Variants in TVP23C observed in about 807,000 individuals in gnomAD.
TVP23C encodes the protein Golgi apparatus membrane protein TVP23 homolog C.
Under a neutral mutation model 28.7 loss-of-function variants are expected in TVP23C, and 19 were observed. The ratio of observed to expected loss-of-function variants is 0.66; its 90% CI spans 0.46 to 0.97. TVP23C has a LOEUF of 0.97. Among genes scored for constraint, TVP23C ranks in the 50% least tolerant of loss-of-function variants. The pLI, the probability that TVP23C is intolerant of heterozygous loss-of-function variation, is 0.00. For missense variants in TVP23C, 186 were observed against 241.3 expected (o/e 0.77, Z 1.52); for synonymous variants, 68 against 81.7 (o/e 0.83, Z 0.90).
intron 5 of TVP23C, chr17:15,507,182 C>T (rs763730297): frequency 1.5e-5 from 11 of 744,094 alleles, no homozygotes; most frequent in African/African-American, 6.9e-5. Flanking sequence ...CCGATACAAA[C>T]GGTTCCTAAT....
intron 5 of TVP23C, among the ~76,000 whole-genome samples, chr17:15,530,424 A>G (rs970687613): frequency 7.2e-5 from 11 of 152,242 alleles, no homozygotes; most frequent in Non-Finnish European, 1.0e-4. Context: ...GTATAGCTCT[A>G]TTCCCTTCCT....
In TVP23C at chr17:15,563,420, C is replaced by T. The variant is rs191004702; in HGVS notation, c.12+17G>A. 1.3e-6 allele frequency: 2 copies of T among 1,591,154 alleles called. No homozygotes were observed. Among genetic ancestry groups the T allele is most frequent in the South Asian group, 2.3e-5 (2 of 87,400 alleles). ...CCCAGGAGCCGCCACCCTCCCAGCG[C>T]GCCCTCAGCCCCTCACCTGCTGCAA... On this transcript the variant is annotated intron_variant, in intron 1 of 5. Coordinates refer to ENST00000518321, the MANE Select transcript of TVP23C (RefSeq NM_001135036.2).
At chr17:15,545,034 C>G (rs1218386918) in intron 5 of TVP23C, among the ~76,000 whole-genome samples, 2 of 152,086 alleles carry the variant, frequency 1.3e-5, no homozygotes, top group African/African-American at 4.8e-5. Flanking sequence ...CAAATTGGGT[C>G]AAGTGACAAA....
At chr17:15,557,299 T>G (rs1463242068) in intron 1 of TVP23C, among the ~76,000 whole-genome samples, 1 of 146,616 alleles carries the variant, frequency 6.8e-6, no homozygotes, top group Admixed American at 6.9e-5. Flanking sequence ...GGTTTTTTTT[T>G]TTTTTTTTTG....
At chr17:15,534,596 C>T (rs1171586388), downstream of TVP23C, among the ~76,000 whole-genome samples, 26 of 148,082 alleles carry the variant, frequency 1.8e-4, no homozygotes, top group Admixed American at 1.7e-3. Context: ...CACACACACA[C>T]ACACACACAC....
intron 1 of TVP23C, among the ~76,000 whole-genome samples, chr17:15,559,313 TAAAAAAAAAA>T (rs56346847): frequency 4.8e-5 from 5 of 105,164 alleles, no homozygotes; most frequent in Non-Finnish European, 9.8e-5. Flanking sequence ...GGTACAGATT[TAAAAAAAAAA>T]AAAAAAAAAA....
intron 1 of TVP23C, among the ~76,000 whole-genome samples, chr17:15,560,560 T>A (rs1984334574): frequency 6.7e-6 from 1 of 149,240 alleles, no homozygotes; most frequent in Non-Finnish European, 1.5e-5. Flanking sequence ...TCAAGTTTGT[T>A]TTTTTTGTTT....
chr17:15,549,504 C>A (rs986156556), intron 3 of TVP23C, among the ~76,000 whole-genome samples: 1 of 151,944 alleles, frequency 6.6e-6, no homozygotes, highest in East Asian at 1.9e-4. Context: ...CATAGTGAAA[C>A]CCTGCCTCTA....
chr17:15,530,312 T>G (rs1982901621), intron 5 of TVP23C, among the ~76,000 whole-genome samples: 1 of 152,014 alleles, frequency 6.6e-6, no homozygotes, highest in South Asian at 2.1e-4. Context: ...ATTTTTTGAG[T>G]TTTTTTTCCT....
At position 15,538,206 on chromosome 17, in the gene TVP23C, C is replaced by A. The variant is rs1391346558; in HGVS notation, c.*2206G>T. On this transcript the variant is annotated 3_prime_UTR_variant, in exon 6 of 6. Transcript: ENST00000518321. ...AACATCAAAGTTATTTCACTTCACA[C>A]ACCATGGACTTGGGGCCTAGGCCTA... 2.1e-5 allele frequency: 34 copies of A among 1,613,322 alleles called. No individual in the cohort carries two copies. Among genetic ancestry groups the A allele is most frequent in the Non-Finnish European group, 2.6e-5 (31 of 1,179,742 alleles).
Position 15,539,311 on chromosome 17 carries a change from T to G in TVP23C, c.*1101A>C, listed in dbSNP as rs1164408757. The stretch of plus-strand genomic sequence containing the variant: ...AACCAAATGCAAGGTATTACTCATA[T>G]AAAGACCTAGTCACGGCCAGGCGCC... On this transcript the variant is annotated 3_prime_UTR_variant, in exon 6 of 6. Coordinates refer to ENST00000518321, the MANE Select transcript of TVP23C (RefSeq NM_001135036.2). 1.0e-6 allele frequency: 1 copy of G among 985,380 alleles called. No homozygotes were observed. The highest frequency in any genetic ancestry group is 1.7e-5 in the African/African-American group (1 of 57,234). 61.0% of individuals were successfully genotyped at this position (985,380 alleles called of 1,614,324 possible). A position where few individuals can be genotyped will look rare whatever the true frequency, so the allele number is the denominator to read the frequency against.
In TVP23C at chr17:15,552,950, C is replaced by T. The variant is rs536769077; in HGVS notation, c.240+735G>A. Among the ~76,000 whole-genome samples, 67 of 151,434 alleles carry T rather than the reference C, an allele frequency of 4.4e-4. 1 individual carries two copies. The East Asian group carries it at 0.012, about 28-fold the overall frequency. Reference sequence around the variant, plus strand: ...ATTATGTACCTATCTATCCATCCATCCATCTCTCTAATCATTGTTCTTGAG... The same window carrying T: ...ATTATGTACCTATCTATCCATCCATTCATCTCTCTAATCATTGTTCTTGAG... On this transcript the variant is annotated intron_variant, in intron 3 of 5. Coordinates refer to ENST00000518321, the MANE Select transcript of TVP23C (RefSeq NM_001135036.2).
At chr17:15,502,412 C>T (rs189334268) in exon 6 of TVP23C, 4 of 159,026 alleles carry the variant, frequency 2.5e-5, no homozygotes, top group Non-Finnish European at 5.5e-5. Context: ...TGTAAAGGGA[C>T]GCAGCCACAC....
intron 5 of TVP23C, among the ~76,000 whole-genome samples, chr17:15,513,202 G>A (rs1005513851): frequency 2.6e-5 from 4 of 152,058 alleles, no homozygotes; most frequent in East Asian, 3.8e-4. Context: ...CAGAATATAC[G>A]GTCAGACTCA....
intron 5 of TVP23C, among the ~76,000 whole-genome samples, chr17:15,516,853 A>G (rs1221155251): frequency 1.3e-5 from 2 of 152,158 alleles, no homozygotes; most frequent in Non-Finnish European, 2.9e-5. Context: ...TTCAGGAGAG[A>G]GGCCTTGGCT....
intron 5 of TVP23C, among the ~76,000 whole-genome samples, chr17:15,506,075 C>T (rs1446795901): frequency 1.3e-5 from 2 of 152,248 alleles, no homozygotes; most frequent in East Asian, 1.9e-4. Flanking sequence ...GGAGTGCGAG[C>T]GCACGGCGCA....
At chr17:15,531,682 T>G (rs1982955486) in intron 5 of TVP23C, among the ~76,000 whole-genome samples, 1 of 152,194 alleles carries the variant, frequency 6.6e-6, no homozygotes, top group Non-Finnish European at 1.5e-5. Flanking sequence ...GTCCACGGTT[T>G]ACTTTAGTTT....
In TVP23C at chr17:15,545,920, T is replaced by A; in HGVS notation, c.331-4A>T. 3.8e-6 allele frequency: 6 copies of A among 1,598,714 alleles called. No individual in the cohort carries two copies. The highest frequency in any genetic ancestry group is 5.1e-6 in the Non-Finnish European group (6 of 1,176,104). ...TTTTATTCTCTTGAGAGGACTCCTATAAAAGAACATAAATTCAATTATCAT... is the reference window on the plus strand; with the variant it reads ...TTTTATTCTCTTGAGAGGACTCCTAAAAAAGAACATAAATTCAATTATCAT... On this transcript the variant is annotated splice_polypyrimidine_tract_variant and splice_region_variant and intron_variant, in intron 4 of 5. Coordinates refer to ENST00000518321, the MANE Select transcript of TVP23C (RefSeq NM_001135036.2).
chr17:15,529,432 A>G (rs542647607), intron 5 of TVP23C, among the ~76,000 whole-genome samples: 1 of 152,186 alleles, frequency 6.6e-6, no homozygotes, highest in Admixed American at 6.5e-5. Flanking sequence ...AGCCTGGGTG[A>G]TAGAGTGAGA....
Sources: gnomAD v4.1 joint callset for allele counts (sites outside exome capture counted in the v4.1 genomes callset) on GRCh38, gnomAD v4.1.1 for gene constraint, MANE v1.5 for transcripts, NCBI Gene and HGNC (gene_info 2026-07-23, HGNC 2026-07-21) for gene names.